Variants in BRINP3 observed in about 807,000 individuals in gnomAD.
The protein encoded by BRINP3 is BMP/retinoic acid inducible neural specific 3.
In BRINP3, 19 loss-of-function variants were observed where a neutral mutation model predicts 71.0. The observed-to-expected ratio is 0.27, with a 90% CI of 0.19 to 0.39. BRINP3 has a LOEUF of 0.39. Among genes scored for constraint, BRINP3 ranks in the 10% least tolerant of loss-of-function variants. The pLI, the probability that BRINP3 is intolerant of heterozygous loss-of-function variation, is 1.00. For missense variants in BRINP3, 959 were observed against 940.8 expected (o/e 1.02, Z -0.25); for synonymous variants, 380 against 337.7 (o/e 1.13, Z -1.37).
chr1:190,407,802 TAAAC>T (rs914483439), intron 2 of BRINP3, among the ~76,000 whole-genome samples: 2 of 152,104 alleles, frequency 1.3e-5, no homozygotes, highest in Admixed American at 6.5e-5. Flanking sequence ...ATATCCATAA[TAAAC>T]AAAAAGTCAA....
At chr1:190,368,385 G>T (rs1040491282) in intron 2 of BRINP3, among the ~76,000 whole-genome samples, 1 of 151,980 alleles carries the variant, frequency 6.6e-6, no homozygotes, top group Non-Finnish European at 1.5e-5. Flanking sequence ...TCTCTCCTGC[G>T]GCAGGCCATG....
intron 4 of BRINP3, among the ~76,000 whole-genome samples, chr1:190,261,665 A>G (rs75130107): frequency 0.015 from 2,338 of 152,232 alleles, 77 homozygotes; most frequent in African/African-American, 0.053. Context: ...TGTCTCCTAA[A>G]TTCTGTAAAT....
At chr1:190,403,174 T>C (rs1323257897) in intron 2 of BRINP3, among the ~76,000 whole-genome samples, 2 of 152,168 alleles carry the variant, frequency 1.3e-5, no homozygotes, top group Non-Finnish European at 2.9e-5. Context: ...AACCAACGAA[T>C]ACACCAAAAA....
chr1:190,117,384 T>A lies in BRINP3; in HGVS notation c.1185-18250A>T, dbSNP rs141924964. 2.4e-3 allele frequency among the ~76,000 whole-genome samples: 370 copies of A among 152,130 alleles called. 2 individuals carry two copies. Among genetic ancestry groups the A allele is most frequent in the African/African-American group, 8.4e-3 (351 of 41,568 alleles). Reference sequence around the variant, plus strand: ...GGAGCCTATATTCAATCTTCATTATTTTTAACTATTATTTTAAATCACTAT... The same window carrying A: ...GGAGCCTATATTCAATCTTCATTATATTTAACTATTATTTTAAATCACTAT... On this transcript the variant is annotated intron_variant, in intron 7 of 7. Transcript: ENST00000367462.
At chr1:190,338,458 C>T (rs1667434461) in intron 2 of BRINP3, among the ~76,000 whole-genome samples, 1 of 151,918 alleles carries the variant, frequency 6.6e-6, no homozygotes, top group Non-Finnish European at 1.5e-5. Flanking sequence ...CATTTCAACT[C>T]CTATTGTCCA....
intron 2 of BRINP3, among the ~76,000 whole-genome samples, chr1:190,409,988 C>CT (rs1366245802): frequency 1.3e-5 from 2 of 152,060 alleles, no homozygotes; most frequent in Non-Finnish European, 2.9e-5. Context: ...GTTTCTCTCT[C>CT]TTTTTTTATT....
chr1:190,113,730 G>C (rs976332028), intron 7 of BRINP3, among the ~76,000 whole-genome samples: 1 of 152,122 alleles, frequency 6.6e-6, no homozygotes, highest in Non-Finnish European at 1.5e-5. Flanking sequence ...TAAAACCAGG[G>C]AGCATATTTC....
chr1:190,369,369 C>T (rs997488400), intron 2 of BRINP3, among the ~76,000 whole-genome samples: 11 of 151,852 alleles, frequency 7.2e-5, no homozygotes, highest in African/African-American at 2.7e-4. Flanking sequence ...ACTTAACATT[C>T]CAAATTTCAT....
At position 190,098,145 on chromosome 1, in the gene BRINP3, G is replaced by C. The variant is rs776579345; in HGVS notation, c.2174C>G (p.Ser725Cys). 2.7e-5 allele frequency: 44 copies of C among 1,614,042 alleles called. No individual in the cohort carries two copies. The South Asian group carries it at 4.3e-4, about 16-fold the overall frequency. The part of the protein sequence containing the change: ...PPGQRRLDLF[S>C]CLLRHRLKLS... ...CTTGAGTCTATGACGAAGCAAGCAA[G>C]AGAAAAGATCTAGACGACGCTGACC... Residue 725 changes from serine to cysteine, a missense_variant, in exon 8 of 8, where the codon TCT becomes TGT. Coordinates refer to ENST00000367462, the MANE Select transcript of BRINP3 (RefSeq NM_199051.3).
At chr1:190,109,688 C>A (rs949962896) in intron 7 of BRINP3, among the ~76,000 whole-genome samples, 1 of 152,206 alleles carries the variant, frequency 6.6e-6, no homozygotes, top group South Asian at 2.1e-4. Flanking sequence ...CTGGATGGAA[C>A]AAAATGTCAG....
At chr1:190,438,709 G>A (rs1195358217) in intron 2 of BRINP3, among the ~76,000 whole-genome samples, 1 of 151,836 alleles carries the variant, frequency 6.6e-6, no homozygotes, top group Non-Finnish European at 1.5e-5. Context: ...TATGTGCTGT[G>A]TCAAGCAAAA....
At chr1:190,255,404 A>C (rs570314555) in intron 4 of BRINP3, among the ~76,000 whole-genome samples, 81 of 152,188 alleles carry the variant, frequency 5.3e-4, no homozygotes, top group Non-Finnish European at 1.0e-3. Flanking sequence ...CTGGGAATCC[A>C]TCTGGTCCTC....
intron 6 of BRINP3, among the ~76,000 whole-genome samples, chr1:190,180,746 T>C (rs1652958284): frequency 6.6e-6 from 1 of 152,078 alleles, no homozygotes; most frequent in Non-Finnish European, 1.5e-5. Flanking sequence ...GTGTTAGCCA[T>C]AGTATTTAAA....
At chr1:190,428,589 A>G (rs1284457401) in intron 2 of BRINP3, among the ~76,000 whole-genome samples, 1 of 152,066 alleles carries the variant, frequency 6.6e-6, no homozygotes, top group Non-Finnish European at 1.5e-5. Flanking sequence ...CCCACCAAAA[A>G]TTATTCTTTC....
intron 2 of BRINP3, among the ~76,000 whole-genome samples, chr1:190,444,237 C>A (rs1164242141): frequency 4.4e-5 from 1 of 22,636 alleles, no homozygotes; most frequent in Non-Finnish European, 1.0e-4. Context: ...AAAACTCCGT[C>A]TCAAAAAAAA....
At chr1:190,205,581 G>T (rs1314432080) in intron 6 of BRINP3, among the ~76,000 whole-genome samples, 1 of 152,064 alleles carries the variant, frequency 6.6e-6, no homozygotes, top group Non-Finnish European at 1.5e-5. Context: ...CATCATTAGA[G>T]AAAAGAAATG....
chr1:190,314,408 A>C (rs918267016), intron 2 of BRINP3, among the ~76,000 whole-genome samples: 1 of 152,118 alleles, frequency 6.6e-6, no homozygotes, highest in African/African-American at 2.4e-5. Flanking sequence ...ACCTGACTTT[A>C]GAATACTGAG....
At chr1:190,259,284 A>G (rs1660955674) in intron 4 of BRINP3, among the ~76,000 whole-genome samples, 1 of 151,460 alleles carries the variant, frequency 6.6e-6, no homozygotes, top group African/African-American at 2.4e-5. Context: ...TAAAAGAAAT[A>G]TACACATTGA....
chr1:190,187,721 A>G (rs1183514521), intron 6 of BRINP3, among the ~76,000 whole-genome samples: 6 of 151,934 alleles, frequency 3.9e-5, no homozygotes, highest in African/African-American at 1.4e-4. Flanking sequence ...TTTCTTTTCT[A>G]TTCAATTGGT....
Sources: gnomAD v4.1 joint callset for allele counts (sites outside exome capture counted in the v4.1 genomes callset) on GRCh38, gnomAD v4.1.1 for gene constraint, MANE v1.5 for transcripts, NCBI Gene and HGNC (gene_info 2026-07-23, HGNC 2026-07-21) for gene names.